NOMO1: variants seen among roughly 807,000 people sequenced by gnomAD.
NOMO1 encodes the protein nodal modulator 3.
A neutral mutation model predicts 133.8 loss-of-function variants in NOMO1; 40 were observed. That is an observed-to-expected ratio of 0.30 (90% confidence interval 0.23 to 0.39). The LOEUF is 0.39. Among genes scored for constraint, NOMO1 ranks in the 10% least tolerant of loss-of-function variants. NOMO1 has a pLI of 1.00. For synonymous variants in NOMO1, 236 were observed against 570.5 expected (o/e 0.41, Z 8.36); for missense variants, 462 against 1,419.9 (o/e 0.33, Z 10.84).
At position 14,846,912 on chromosome 16, in the gene NOMO1, G is replaced by T. The variant is rs540984291; in HGVS notation, c.509+229G>T. On this transcript the variant is annotated intron_variant, in intron 5 of 30. Coordinates refer to ENST00000287667, the MANE Select transcript of NOMO1 (RefSeq NM_014287.4). Reference sequence around the variant, plus strand: ...GATGATTAAATATGAGTTCATACTGGCCAGGCATATTGGCTTGCGCCTATA... The same window carrying T: ...GATGATTAAATATGAGTTCATACTGTCCAGGCATATTGGCTTGCGCCTATA... Among the ~76,000 whole-genome samples the T allele has an allele frequency of 5.4e-5, 8 of 149,522 alleles. No individual in the cohort carries two copies. The South Asian group carries it at 1.5e-3, about 28-fold the overall frequency.
intron 27 of NOMO1, among the ~76,000 whole-genome samples, chr16:14,886,102 A>G (rs1964319566): frequency 6.6e-6 from 1 of 152,064 alleles, no homozygotes; most frequent in Non-Finnish European, 1.5e-5. Flanking sequence ...AACCCTGCTC[A>G]TGCCCCATGC....
intron 27 of NOMO1, among the ~76,000 whole-genome samples, 186 bp downstream of exon 27, chr16:14,884,668 G>T (rs1342370435): frequency 6.6e-6 from 1 of 151,892 alleles, no homozygotes; most frequent in African/African-American, 2.4e-5. Context: ...ACGTATTTGG[G>T]AGAGTGATTG....
intron 18 of NOMO1, among the ~76,000 whole-genome samples, chr16:14,873,471 A>C (rs1478938901): frequency 7.0e-6 from 1 of 143,718 alleles, no homozygotes; most frequent in East Asian, 2.1e-4. Flanking sequence ...ACATGGCACT[A>C]AAGTGACCAC....
In NOMO1 at chr16:14,856,866, G is replaced by A. The variant is rs889014352; in HGVS notation, c.964-351G>A. On this transcript the variant is annotated intron_variant, in intron 9 of 30. Transcript: ENST00000287667. ...ATGCCGGGGTGTGCATGGGAGACTG[G>A]AGGAAGACGTGGTTCACCAAAATGG... is the stretch of plus-strand genomic sequence containing the variant. Among the ~76,000 whole-genome samples the A allele has an allele frequency of 1.3e-4, 19 of 151,884 alleles. 1 individual carries two copies. Among genetic ancestry groups the A allele is most frequent in the African/African-American group, 4.6e-4 (19 of 41,288 alleles).
intron 3 of NOMO1, among the ~76,000 whole-genome samples, chr16:14,843,710 A>T (rs1472492784): frequency 4.5e-5 from 4 of 88,178 alleles, no homozygotes; most frequent in Non-Finnish European, 1.0e-4. Context: ...TTTTTATTGG[A>T]GTCTTTGTGT....
intron 11 of NOMO1, among the ~76,000 whole-genome samples, chr16:14,860,124 C>G (rs1963900435): frequency 6.6e-6 from 1 of 151,928 alleles, no homozygotes. Flanking sequence ...GATCTCAGCA[C>G]TTTGGGAGGC....
rs140400294 is a variant in NOMO1, at chr16:14,864,310, G to A, written c.1396-275G>A. 3.5e-3 allele frequency among the ~76,000 whole-genome samples: 531 copies of A among 151,956 alleles called. 4 individuals carry two copies. Among genetic ancestry groups the A allele is most frequent in the African/African-American group, 8.3e-3 (343 of 41,312 alleles). On this transcript the variant is annotated intron_variant, in intron 12 of 30. Coordinates refer to ENST00000287667, the MANE Select transcript of NOMO1 (RefSeq NM_014287.4). ...ATGGTTTCTAGTATGTAAGTGAGGC[G>A]TGTCCGCATTGCGGGCCTGTGGGGA...
chr16:14,853,128 A>G (rs1963784313), intron 7 of NOMO1: 1 of 229,722 alleles, frequency 4.4e-6, no homozygotes, highest in Non-Finnish European at 7.7e-6. Context: ...CTGGGTTTAA[A>G]CAAATCTCAG....
chr16:14,836,143 C>T (rs921461179), intron 1 of NOMO1, among the ~76,000 whole-genome samples: 12 of 152,076 alleles, frequency 7.9e-5, no homozygotes, highest in Non-Finnish European at 1.3e-4. Flanking sequence ...TGATCTGAAT[C>T]CTTTTGGATG....
chr16:14,857,599 G>T lies in NOMO1; in HGVS notation c.1164G>T (p.Thr388=), dbSNP rs201341141. 1.2e-5 allele frequency: 20 copies of T among 1,612,782 alleles called. No individual in the cohort carries two copies. Residue 388 remains threonine, a synonymous_variant, in exon 11 of 31, where the codon ACG becomes ACT. Coordinates refer to ENST00000287667, the MANE Select transcript of NOMO1 (RefSeq NM_014287.4). ...AGAAAGAGCACCTCTACTTTGAAAC[G>T]GTCACCATCAAAATTGCACCGAACA... ...HAQKEHLYFE[T]VTIKIAPNTP... is the part of the protein sequence containing the mutation.
At chr16:14,873,160 A>G (rs1465813550) in intron 18 of NOMO1, among the ~76,000 whole-genome samples, 3 of 84,508 alleles carry the variant, frequency 3.5e-5, no homozygotes, top group African/African-American at 8.7e-5. Context: ...GTAAATGACA[A>G]CTGTTCTGAG....
chr16:14,836,696 T>G (rs867200686), intron 1 of NOMO1, among the ~76,000 whole-genome samples: 3 of 135,206 alleles, frequency 2.2e-5, no homozygotes, highest in African/African-American at 9.5e-5. Flanking sequence ...CCATTTTACT[T>G]TTTTTTTTTT....
At chr16:14,864,806 T>G (rs1597102858) in intron 13 of NOMO1, 80 bp downstream of exon 13, 7 of 1,611,948 alleles carry the variant, frequency 4.3e-6, no homozygotes, top group Non-Finnish European at 5.9e-6. Flanking sequence ...AACTTTTCCT[T>G]TTGCCTTTGT....
chr16:14,866,462 AATTG>A, intron 14 of NOMO1, 89 bp from the exon 15 acceptor site: 2 of 1,607,454 alleles, frequency 1.2e-6, no homozygotes, highest in South Asian at 1.1e-5. Flanking sequence ...TGCTTTTTAA[AATTG>A]ATTAATTCAT....
rs1171678006 is a variant in NOMO1 at position 14,860,878 on chromosome 16, A to G, written c.1221-2135A>G. 4.6e-4 allele frequency among the ~76,000 whole-genome samples: 70 copies of G among 151,264 alleles called. 1 individual carries two copies. Among genetic ancestry groups the G allele is most frequent in the Admixed American group, 4.6e-3 (70 of 15,174 alleles). ...TTCCTTTTTATTTTTTTTTTGAGAC[A>G]GGGTCTTACTCCGTTGCCCAGGCTG... On this transcript the variant is annotated intron_variant, in intron 11 of 30. Coordinates refer to ENST00000287667, the MANE Select transcript of NOMO1 (RefSeq NM_014287.4).
intron 15 of NOMO1, 56 bp downstream of exon 15, chr16:14,866,747 A>G: frequency 6.2e-7 from 1 of 1,609,714 alleles, no homozygotes; most frequent in Non-Finnish European, 8.5e-7. Context: ...TGTGGATGTC[A>G]AGAAAGACTA....
In NOMO1 at chr16:14,843,211, G is replaced by T. The variant is rs542108725; in HGVS notation, c.302-1463G>T. On this transcript the variant is annotated intron_variant, in intron 3 of 30. Coordinates refer to ENST00000287667, the MANE Select transcript of NOMO1 (RefSeq NM_014287.4). ...TGGGATTATAGGCAAGAGCCACCAC[G>T]CCTGGCCTATATTTATATTTTATAT... Among the ~76,000 whole-genome samples, 69 of 139,154 alleles carry T rather than the reference G, an allele frequency of 5.0e-4. No individual in the cohort carries two copies. In the East Asian group the frequency reaches 6.4e-3, roughly 13 times the overall value. The allele number at this position is 139,154 out of a possible 152,430, so 91.3% of individuals were successfully genotyped here.
At position 14,885,400 on chromosome 16, in the gene NOMO1, A is replaced by G. The variant is rs1964308911; in HGVS notation, c.3222+918A>G. Among the ~76,000 whole-genome samples, 2 of 151,852 alleles carry G rather than the reference A, an allele frequency of 1.3e-5. 1 individual carries two copies. The highest frequency in any genetic ancestry group is 2.9e-5 in the Non-Finnish European group (2 of 67,978). On this transcript the variant is annotated intron_variant, in intron 27 of 30. Transcript: ENST00000287667. ...ATTTTGGACTCAGAGACCTCTTATA[A>G]TCTTGTTCAGCTCTAACAAAATCTC...
rs1056286877 is a variant in NOMO1 at position 14,886,962 on chromosome 16, C to T, written c.3324+100C>T. The T allele has an allele frequency of 7.5e-6, 11 of 1,472,228 alleles. No individual in the cohort carries two copies. In the African/African-American group the frequency reaches 1.5e-4, roughly 21 times the overall value. 91.2% of individuals were successfully genotyped at this position (1,472,228 alleles called of 1,614,324 possible). On this transcript the variant is annotated intron_variant, in intron 28 of 30. Transcript: ENST00000287667. ...TCTCTCCTTTTCTCCCTAAATACCA[C>T]TCTGCAGAAATACGCTCTCTGAATC...
Sources: allele counts gnomAD v4.1 joint callset (sites outside exome capture counted in the v4.1 genomes callset), GRCh38; gene constraint gnomAD v4.1.1; transcripts MANE v1.5; gene names NCBI Gene and HGNC (gene_info 2026-07-23, HGNC 2026-07-21).